The following ARMH4 variants were observed in gnomAD, a reference collection of about 807,000 sequenced individuals.
The protein encoded by ARMH4 is armadillo like helical domain containing 4, also known as armadillo-like helical domain-containing protein 4.
A neutral mutation model predicts 61.9 loss-of-function variants in ARMH4; 49 were observed. The observed-to-expected ratio is 0.79, with a 90% CI of 0.63 to 1.00. ARMH4 has a LOEUF of 1.00. ARMH4 is among the 50% of genes least tolerant of loss of function. The pLI is 0.00. For synonymous variants in ARMH4, 368 were observed against 341.5 expected (o/e 1.08, Z -0.85); for missense variants, 934 against 930.0 (o/e 1.00, Z -0.06).
intron 5 of ARMH4, among the ~76,000 whole-genome samples, chr14:58,066,027 T>C (rs142722156): frequency 6.4e-4 from 97 of 152,346 alleles, no homozygotes; most frequent in African/African-American, 2.3e-3. Context: ...TCCTTAAAGC[T>C]GAGATCCTGA....
At chr14:58,005,265 G>C in intron 6 of ARMH4, 83 bp from the exon 7 acceptor site, 1 of 1,552,868 alleles carries the variant, frequency 6.4e-7, no homozygotes, top group South Asian at 1.1e-5. Flanking sequence ...ATGGCAGCAG[G>C]TTTTTAGACA....
At position 58,138,488 on chromosome 14, in the gene ARMH4, GC is replaced by G; in HGVS notation, c.870del (p.Leu291TrpfsTer8). The G allele has an allele frequency of 1.2e-6, 2 of 1,614,224 alleles. No homozygotes were observed. The highest frequency in any genetic ancestry group is 3.3e-4 in the Middle Eastern group (2 of 6,062). ...TLSVEPETDS[L>X]LGAPEVTVSV... ...CTCACTGTGACTTCTGGGGCTCCCAGCAGACTATCAGTTTCTGGCTCAACAC... is the reference window on the plus strand; with the variant it reads ...CTCACTGTGACTTCTGGGGCTCCCAGAGACTATCAGTTTCTGGCTCAACAC... On this transcript the variant is annotated frameshift_variant, in exon 2 of 8. Transcript: ENST00000267485. LOFTEE classifies it high-confidence loss of function.
intron 2 of ARMH4, among the ~76,000 whole-genome samples, chr14:58,133,545 C>T (rs1054557028): frequency 2.0e-5 from 3 of 151,954 alleles, no homozygotes; most frequent in Admixed American, 6.5e-5. Flanking sequence ...CAATCTACAA[C>T]AGAGATAAAG....
rs747490700 is a variant in ARMH4 at position 58,133,092 on chromosome 14, T to C, written c.1619A>G (p.Glu540Gly). ...PLSFEVTPTV[E>G]EQMDTVTGPN... ...GTCCAATATCCTCCCTTACAGACCTTCCACAGTGGGAGTAACTTCAAAAGA... is the reference window on the plus strand; with the variant it reads ...GTCCAATATCCTCCCTTACAGACCTCCCACAGTGGGAGTAACTTCAAAAGA... Residue 540 changes from glutamate (E) to glycine (G), a missense_variant and splice_region_variant, in exon 3 of 8, where the codon GAA (glutamate) becomes GGA (glycine). Glu to Gly is a moderately conservative substitution (Grantham distance 98). Coordinates refer to ENST00000267485, the MANE Select transcript of ARMH4 (RefSeq NM_001001872.4). 2 of 1,614,088 alleles carry C rather than the reference T, an allele frequency of 1.2e-6. No individual in the cohort carries two copies. Among genetic ancestry groups the C allele is most frequent in the Non-Finnish European group, 1.7e-6 (2 of 1,180,004 alleles).
At chr14:58,030,912 CATAA>C (rs1288373762) in intron 5 of ARMH4, among the ~76,000 whole-genome samples, 4 of 152,298 alleles carry the variant, frequency 2.6e-5, no homozygotes, top group African/African-American at 9.6e-5. Context: ...TTGCAGCTAC[CATAA>C]ATAATGTCAC....
intron 5 of ARMH4, among the ~76,000 whole-genome samples, chr14:58,041,892 G>C (rs1594715074): frequency 6.6e-6 from 1 of 152,018 alleles, no homozygotes; most frequent in Non-Finnish European, 1.5e-5. Context: ...ACAAGAAGAG[G>C]TAACTATCTT....
chr14:58,055,487 T>C (rs192556199), intron 5 of ARMH4, among the ~76,000 whole-genome samples: 23 of 152,316 alleles, frequency 1.5e-4, no homozygotes, highest in African/African-American at 5.1e-4. Context: ...AGATAACAGA[T>C]ACAAATCACT....
intron 4 of ARMH4, among the ~76,000 whole-genome samples, chr14:58,098,237 T>TA (rs35557123): frequency 5.3e-5 from 8 of 151,622 alleles, no homozygotes; most frequent in South Asian, 2.1e-4. Context: ...TTTTAACTTT[T>TA]AAAAAAAATC....
chr14:58,091,447 C>T (rs1214062930), intron 5 of ARMH4, among the ~76,000 whole-genome samples: 1 of 152,046 alleles, frequency 6.6e-6, no homozygotes, highest in Non-Finnish European at 1.5e-5. Context: ...TTCTGGACTT[C>T]TTGTTTTGAG....
At chr14:58,008,499 G>A (rs991938316) in intron 6 of ARMH4, among the ~76,000 whole-genome samples, 5 of 152,262 alleles carry the variant, frequency 3.3e-5, no homozygotes, top group South Asian at 2.1e-4. Flanking sequence ...AACAAGAAAG[G>A]TATCCTTCCT....
chr14:58,022,215 C>A (rs180670598), intron 5 of ARMH4, among the ~76,000 whole-genome samples: 1 of 152,034 alleles, frequency 6.6e-6, no homozygotes, highest in East Asian at 1.9e-4. Flanking sequence ...AACAGCATAA[C>A]GTCTTCAACT....
rs777905376 is a variant in ARMH4, at chr14:58,074,454, C to CTT, written c.2089+22268_2089+22269dup. On this transcript the variant is annotated intron_variant, in intron 5 of 7. Transcript: ENST00000267485. The stretch of plus-strand genomic sequence containing the variant: ...CTTTGGCAGTGGATGCAACACAGTT[C>CTT]TTTTTTTTTTTTTTTAGTTTAATTT... Among the ~76,000 whole-genome samples the CTT allele has an allele frequency of 3.6e-5, 5 of 139,346 alleles. No homozygotes were observed. The South Asian group carries it at 9.4e-4, about 26-fold the overall frequency. 91.4% of individuals were successfully genotyped at this position (139,346 alleles called of 152,430 possible).
At chr14:58,028,288 C>A (rs1178318312) in intron 5 of ARMH4, among the ~76,000 whole-genome samples, 1 of 152,176 alleles carries the variant, frequency 6.6e-6, no homozygotes, top group Non-Finnish European at 1.5e-5. Flanking sequence ...ATCCTGTACA[C>A]CCTGAATTGC....
intron 5 of ARMH4, among the ~76,000 whole-genome samples, chr14:58,031,662 A>G (rs72714779): frequency 4.2e-4 from 64 of 152,308 alleles, no homozygotes; most frequent in Non-Finnish European, 7.5e-4. Context: ...CTCAACTCTA[A>G]GAAAAAGGCT....
chr14:58,019,068 A>G (rs1459094685), intron 5 of ARMH4, among the ~76,000 whole-genome samples: 1 of 152,226 alleles, frequency 6.6e-6, no homozygotes, highest in Admixed American at 6.5e-5. Context: ...AATCTGAAAA[A>G]GTATAAATCA....
chr14:58,133,336 T>C lies in ARMH4; in HGVS notation c.1375A>G (p.Ile459Val). The C allele has an allele frequency of 6.2e-7, 1 of 1,611,916 alleles. No individual in the cohort carries two copies. The highest frequency in any genetic ancestry group is 1.7e-4 in the Middle Eastern group (1 of 5,994). The part of the protein sequence containing the change: ...QLLGNTMKDI[I>V]TQEMTTAVQE... ...ACAGCTGTTGTCATCTCTTGAGTGA[T>C]GATGTCTTAAAGGGGGGAAAACATT... The change falls in exon 3 of 8, where the codon ATC becomes GTC. Residue 459 changes from isoleucine to valine, a missense_variant. Transcript: ENST00000267485.
chr14:58,022,646 T>C (rs1821419456), intron 5 of ARMH4, among the ~76,000 whole-genome samples: 1 of 152,172 alleles, frequency 6.6e-6, no homozygotes, highest in Non-Finnish European at 1.5e-5. Flanking sequence ...CCATACTTCC[T>C]GGGATCACCT....
At position 58,027,457 on chromosome 14, in the gene ARMH4, T is replaced by C. The variant is rs1396322967; in HGVS notation, c.2090-15307A>G. 2.6e-5 allele frequency among the ~76,000 whole-genome samples: 4 copies of C among 152,202 alleles called. No individual in the cohort carries two copies. In the East Asian group the frequency reaches 5.8e-4, roughly 22 times the overall value. ...TAGTTACATGTTCAGGGAGGACACC[T>C]CCCTTTAGGTTTTGGTACTGAGAGG... On this transcript the variant is annotated intron_variant, in intron 5 of 7. Coordinates refer to ENST00000267485, the MANE Select transcript of ARMH4 (RefSeq NM_001001872.4).
At chr14:58,137,924 C>T in intron 2 of ARMH4, 66 bp downstream of exon 2, 1 of 1,466,560 alleles carries the variant, frequency 6.8e-7, no homozygotes, top group Non-Finnish European at 9.2e-7. Flanking sequence ...TCTAAATTGC[C>T]ATTAAAAAAA....
Sources: allele counts gnomAD v4.1 joint callset (sites outside exome capture counted in the v4.1 genomes callset), GRCh38; gene constraint gnomAD v4.1.1; transcripts MANE v1.5; gene names NCBI Gene and HGNC (gene_info 2026-07-23, HGNC 2026-07-21).